DIAPH2: variants seen among roughly 807,000 people sequenced by gnomAD.
DIAPH2 encodes the protein protein diaphanous homolog 2.
Under a neutral mutation model 92.7 loss-of-function variants are expected in DIAPH2, and 35 were observed. The ratio of observed to expected loss-of-function variants is 0.38; its 90% CI spans 0.29 to 0.50. The LOEUF (loss-of-function observed/expected upper bound fraction) is 0.50. Ranked by LOEUF, DIAPH2 falls within the 20% of genes least tolerant of loss-of-function variation. The pLI is 0.94. For synonymous variants in DIAPH2, 301 were observed against 280.4 expected, an observed-to-expected ratio of 1.07 and a Z score of -0.73; for missense variants, 701 against 819.5, an observed-to-expected ratio of 0.86 and a Z score of 1.77.
At chrX:97,476,155 CAT>C (rs2070601597) in intron 26 of DIAPH2, among the ~76,000 whole-genome samples, 1 of 112,030 alleles carries the variant, frequency 8.9e-6, no homozygotes, top group African/African-American at 3.2e-5. Flanking sequence ...ATCACAGTAA[CAT>C]AAAGATTGGA....
intron 22 of DIAPH2, among the ~76,000 whole-genome samples, chrX:97,177,715 A>C (rs1008989030): frequency 9.2e-6 from 1 of 109,229 alleles, no homozygotes; most frequent in African/African-American, 3.3e-5. Context: ...TACTTAAAAA[A>C]AAAAAAAAAA....
At chrX:96,689,701 A>T (rs1162904137) in intron 1 of DIAPH2, among the ~76,000 whole-genome samples, 1 of 110,574 alleles carries the variant, frequency 9.0e-6, no homozygotes, top group Non-Finnish European at 1.9e-5. Context: ...CTTCCATTAA[A>T]CACCGATTAC....
chrX:96,947,307 G>C (rs1467631682), intron 14 of DIAPH2, among the ~76,000 whole-genome samples: 1 of 111,525 alleles, frequency 9.0e-6, no homozygotes, highest in African/African-American at 3.3e-5. Context: ...TGATTTAGAA[G>C]CACATAGGAG....
intron 26 of DIAPH2, among the ~76,000 whole-genome samples, chrX:97,516,533 A>C (rs2070950005): frequency 8.9e-6 from 1 of 112,056 alleles, no homozygotes; most frequent in African/African-American, 3.2e-5. Flanking sequence ...TAGTGCAAAA[A>C]ATAGGCTCTG....
Position 97,142,086 on chromosome X carries a change from G to A in DIAPH2, c.2719+292G>A, listed in dbSNP as rs185560048. ...ATAAACATTTAAGTGGATATTGTTT[G>A]CAAAGGAACCATACTATAGGGCTCT... On this transcript the variant is annotated intron_variant, in intron 22 of 26. Coordinates refer to ENST00000324765, the MANE Select transcript of DIAPH2 (RefSeq NM_006729.5). Among the ~76,000 whole-genome samples the A allele has an allele frequency of 3.9e-3, 434 of 111,401 alleles. 1 individual carries two copies. Among genetic ancestry groups the A allele is most frequent in the Middle Eastern group, 0.019 (4 of 213 alleles).
rs781372311 is a variant in DIAPH2, at chrX:97,379,456, A to G, written c.3010-4453A>G. 1.3e-4 allele frequency among the ~76,000 whole-genome samples: 15 copies of G among 112,391 alleles called. 1 individual carries two copies. In the South Asian group the frequency reaches 5.6e-3, roughly 42 times the overall value. On this transcript the variant is annotated intron_variant, in intron 24 of 26. Transcript: ENST00000324765. ...CCAGGCTTTGTCTTAAGTGTTTTAT[A>G]TAAGCATTATTTCACTTAATCTGTT...
chrX:97,562,588 A>G (rs1189022332), intron 26 of DIAPH2, among the ~76,000 whole-genome samples: 2 of 111,122 alleles, frequency 1.8e-5, no homozygotes, highest in Non-Finnish European at 3.8e-5. Flanking sequence ...CCTGGCTTGC[A>G]TGAGGCTGAG....
intron 17 of DIAPH2, among the ~76,000 whole-genome samples, chrX:97,003,625 A>G (rs1602706012): frequency 1.8e-5 from 2 of 111,580 alleles, no homozygotes; most frequent in East Asian, 2.8e-4. Context: ...GTCTATCCAG[A>G]TTTTTTGCCC....
At chrX:96,923,600 G>A (rs1199676837) in intron 9 of DIAPH2, among the ~76,000 whole-genome samples, 1 of 111,573 alleles carries the variant, frequency 9.0e-6, no homozygotes, top group African/African-American at 3.3e-5. Context: ...TACATCCACA[G>A]CAGACTAGAA....
intron 10 of DIAPH2, among the ~76,000 whole-genome samples, chrX:96,933,801 A>G (rs1381077466): frequency 4.4e-5 from 4 of 91,635 alleles, no homozygotes; most frequent in African/African-American, 1.7e-4. Flanking sequence ...CATTTTTAGT[A>G]GAGATGGGGT....
chrX:97,545,523 A>G (rs1428954195), intron 26 of DIAPH2, among the ~76,000 whole-genome samples: 93 of 14,953 alleles, frequency 6.2e-3, no homozygotes, highest in African/African-American at 9.3e-3. Flanking sequence ...AAGTTTGATG[A>G]AAAAAAAAAA....
At position 97,057,756 on chromosome X, in the gene DIAPH2, G is replaced by A. The variant is rs746077995; in HGVS notation, c.2051-15185G>A. 7.1e-5 allele frequency among the ~76,000 whole-genome samples: 8 copies of A among 111,954 alleles called. No homozygotes were observed. The East Asian group carries it at 1.4e-3, about 20-fold the overall frequency. On this transcript the variant is annotated intron_variant, in intron 17 of 26. Transcript: ENST00000324765. ...TAAAAATGGCATAGGCTGCTGCTTCGGTGGCATTTCCCCTTGAACATGCCA... is the reference window on the plus strand; with the variant it reads ...TAAAAATGGCATAGGCTGCTGCTTCAGTGGCATTTCCCCTTGAACATGCCA...
At chrX:97,099,659 A>G (rs1328905962) in intron 19 of DIAPH2, 35 bp from the exon 20 acceptor site, 2 of 990,108 alleles carry the variant, frequency 2.0e-6, no homozygotes, top group Non-Finnish European at 2.7e-6. Flanking sequence ...TCTAATACTA[A>G]AACACTAAAC....
intron 23 of DIAPH2, among the ~76,000 whole-genome samples, chrX:97,270,295 C>G (rs1196538718): frequency 9.0e-6 from 1 of 111,611 alleles, no homozygotes; most frequent in Non-Finnish European, 1.9e-5. Flanking sequence ...AACTCCTGAC[C>G]TCAGGTGATC....
intron 22 of DIAPH2, among the ~76,000 whole-genome samples, chrX:97,149,542 T>G (rs1419068734): frequency 2.8e-5 from 3 of 108,982 alleles, no homozygotes; most frequent in Non-Finnish European, 3.8e-5. Flanking sequence ...CCATCCTGGC[T>G]AACACGGTGA....
intron 4 of DIAPH2, among the ~76,000 whole-genome samples, chrX:96,783,449 G>A (rs1276538122): frequency 8.9e-6 from 1 of 112,404 alleles, no homozygotes; most frequent in Non-Finnish European, 1.9e-5. Context: ...AGATATTAAA[G>A]CCATCACTGG....
At chrX:97,250,186 C>T (rs144433799) in intron 23 of DIAPH2, among the ~76,000 whole-genome samples, 2,784 of 111,483 alleles carry the variant, frequency 0.025, 91 homozygotes, top group African/African-American at 0.086. Flanking sequence ...CCAATATTTC[C>T]ATCCAGTGCC....
At chrX:97,380,539 A>G (rs2069542426) in intron 24 of DIAPH2, among the ~76,000 whole-genome samples, 1 of 111,913 alleles carries the variant, frequency 8.9e-6, no homozygotes, top group South Asian at 3.7e-4. Context: ...TTTATTTTGT[A>G]AGAATTAGGA....
intron 4 of DIAPH2, among the ~76,000 whole-genome samples, chrX:96,764,827 T>A (rs2064291794): frequency 9.0e-6 from 1 of 111,730 alleles, no homozygotes; most frequent in African/African-American, 3.3e-5. Context: ...AGGACTTGTA[T>A]TAAAGTCCTC....
Sources: allele counts gnomAD v4.1 joint callset (sites outside exome capture counted in the v4.1 genomes callset), GRCh38; gene constraint gnomAD v4.1.1; transcripts MANE v1.5; gene names NCBI Gene and HGNC (gene_info 2026-07-23, HGNC 2026-07-21).